Variants in STT3B observed in about 807,000 individuals in gnomAD.
STT3B encodes the protein dolichyl-diphosphooligosaccharide--protein glycosyltransferase subunit STT3B.
In STT3B, 29 loss-of-function variants were observed where a neutral mutation model predicts 96.8. The observed-to-expected ratio is 0.30, with a 90% CI of 0.22 to 0.41. The LOEUF is 0.41. STT3B is among the 10% of genes least tolerant of loss of function. The pLI is 1.00. For synonymous variants in STT3B, 367 were observed against 360.0 expected, an observed-to-expected ratio of 1.02 and a Z score of -0.22; for missense variants, 640 against 1,022.3, an observed-to-expected ratio of 0.63 and a Z score of 5.10.
At position 31,615,142 on chromosome 3, in the gene STT3B, A is replaced by C. The variant is rs1428857693; in HGVS notation, c.915A>C (p.Ser305=). The change falls in exon 6 of 16, where the codon TCA becomes TCC. Residue 305 remains serine (S), a synonymous_variant. Coordinates refer to ENST00000295770, the MANE Select transcript of STT3B (RefSeq NM_178862.3). The part of the protein sequence containing the change: ...STFYIVGLIL[S]MQIPFVGFQP... The stretch of plus-strand genomic sequence containing the variant: ...TCTACATTGTGGGTTTAATATTATC[A>C]ATGCAGATACCTTTTGTGGGATTCC... The C allele has an allele frequency of 6.2e-7, 1 of 1,611,144 alleles. No individual in the cohort carries two copies. Among genetic ancestry groups the C allele is most frequent in the East Asian group, 2.2e-5 (1 of 44,732 alleles).
At chr3:31,615,749 C>T (rs980579112) in intron 6 of STT3B, among the ~76,000 whole-genome samples, 1 of 151,798 alleles carries the variant, frequency 6.6e-6, no homozygotes, top group African/African-American at 2.4e-5. Context: ...ACAACATTTC[C>T]TAAACTCTAA....
intron 5 of STT3B, among the ~76,000 whole-genome samples, chr3:31,608,217 CTAT>C (rs1299527171): frequency 6.6e-6 from 1 of 152,188 alleles, no homozygotes. Context: ...TCCTCCGCCC[CTAT>C]TTTTTCCATA....
intron 1 of STT3B, among the ~76,000 whole-genome samples, chr3:31,546,748 A>G (rs564393827): frequency 1.3e-5 from 2 of 152,328 alleles, no homozygotes; most frequent in South Asian, 4.2e-4. Context: ...GTAGGAGGTT[A>G]TATGTATATG....
intron 1 of STT3B, among the ~76,000 whole-genome samples, chr3:31,559,772 G>T (rs546184058): frequency 1.3e-5 from 2 of 152,114 alleles, no homozygotes; most frequent in South Asian, 4.1e-4. Flanking sequence ...CTATCTGATG[G>T]TGAGAGTGGA....
intron 14 of STT3B, among the ~76,000 whole-genome samples, chr3:31,632,044 C>A (rs1035423747): frequency 1.3e-5 from 2 of 151,804 alleles, no homozygotes; most frequent in Non-Finnish European, 2.9e-5. Context: ...TTTGTAGAGA[C>A]AAGATCTTGC....
At chr3:31,535,786 A>G (rs1024711630) in intron 1 of STT3B, among the ~76,000 whole-genome samples, 2 of 152,230 alleles carry the variant, frequency 1.3e-5, no homozygotes, top group Admixed American at 6.5e-5. Context: ...CTGACACATT[A>G]TCATTTAGCT....
intron 3 of STT3B, among the ~76,000 whole-genome samples, chr3:31,590,217 A>G (rs1559377463): frequency 6.6e-6 from 1 of 151,604 alleles, no homozygotes; most frequent in Admixed American, 6.6e-5. Context: ...GATAATTTGT[A>G]TCTTCTCTCC....
chr3:31,610,992 T>C (rs1468239191), intron 5 of STT3B, among the ~76,000 whole-genome samples: 1 of 152,214 alleles, frequency 6.6e-6, no homozygotes, highest in East Asian at 1.9e-4. Context: ...TTTGATGGAA[T>C]GCTTTATTCT....
Position 31,617,073 on chromosome 3 carries a change from C to T in STT3B, c.1121C>T (p.Thr374Ile). The change falls in exon 7 of 16, where the codon ACA (threonine) becomes ATA (isoleucine). Residue 374 changes from threonine to isoleucine, a missense_variant and splice_region_variant. Physicochemically the swap from Thr to Ile is moderately conservative, Grantham distance 89. Coordinates refer to ENST00000295770, the MANE Select transcript of STT3B (RefSeq NM_178862.3). The part of the protein sequence containing the change: ...VFLSVIYLTY[T>I]GYIAPWSGRF... ...CTTAGTGTCATCTATTTGACTTATA[C>T]AGGTACGTGTTATCACCTGTAGGGT... is the stretch of plus-strand genomic sequence containing the variant. 1 of 1,602,266 alleles carries T rather than the reference C, an allele frequency of 6.2e-7. No homozygotes were observed. Among genetic ancestry groups the T allele is most frequent in the Non-Finnish European group, 8.5e-7 (1 of 1,171,864 alleles).
chr3:31,567,070 GCT>G (rs1698023741), intron 1 of STT3B, among the ~76,000 whole-genome samples: 1 of 152,250 alleles, frequency 6.6e-6, no homozygotes, highest in Admixed American at 6.5e-5. Context: ...CTGTCATTAT[GCT>G]CTCTCTATCC....
chr3:31,533,617 A>G (rs1697006128), intron 1 of STT3B: 1 of 212,032 alleles, frequency 4.7e-6, no homozygotes, highest in Non-Finnish European at 9.2e-6. Context: ...AGCCGCCGGG[A>G]GTGTGGGTGC....
At position 31,533,040 on chromosome 3, in the gene STT3B, C is replaced by T. The variant is rs774102976; in HGVS notation, c.42C>T (p.Ser14=). The stretch of plus-strand genomic sequence containing the variant: ...CCCCGGAGAGCAAGCACAAGTCGTC[C>T]CTCAACTCGTCCCCGTGGAGTGGCC... ...PSAPESKHKS[S]LNSSPWSGLM... The change falls in exon 1 of 16, where the codon TCC becomes TCT. Residue 14 remains serine (S), a synonymous_variant. Coordinates refer to ENST00000295770, the MANE Select transcript of STT3B (RefSeq NM_178862.3). 1.3e-6 allele frequency: 2 copies of T among 1,587,210 alleles called. No individual in the cohort carries two copies.
rs765621106 is a variant in STT3B at position 31,615,101 on chromosome 3, A to T, written c.878-4A>T. On this transcript the variant is annotated splice_region_variant and splice_polypyrimidine_tract_variant and intron_variant, in intron 5 of 15. Transcript: ENST00000295770. ...TATCCTTGTTTCCTATTTTGTCTTT[A>T]TAGCATATAGCACTTTCTACATTGT... 1 of 1,577,710 alleles carries T rather than the reference A, an allele frequency of 6.3e-7. No homozygotes were observed. The highest frequency in any genetic ancestry group is 8.7e-7 in the Non-Finnish European group (1 of 1,154,154).
intron 1 of STT3B, among the ~76,000 whole-genome samples, chr3:31,568,684 G>A (rs1698068531): frequency 6.6e-6 from 1 of 152,118 alleles, no homozygotes; most frequent in Non-Finnish European, 1.5e-5. Context: ...AAGATTAAAA[G>A]TATATTGTGG....
intron 3 of STT3B, among the ~76,000 whole-genome samples, chr3:31,587,219 A>G (rs1456141166): frequency 2.0e-5 from 3 of 152,034 alleles, no homozygotes; most frequent in African/African-American, 7.2e-5. Context: ...TATATTAACC[A>G]AGTTGTACCA....
intron 5 of STT3B, among the ~76,000 whole-genome samples, chr3:31,612,014 A>C (rs966987034): frequency 6.6e-6 from 1 of 152,210 alleles, no homozygotes; most frequent in African/African-American, 2.4e-5. Context: ...GCAATCTTCA[A>C]CTTTATTTAA....
At chr3:31,542,228 T>C (rs1483573914) in intron 1 of STT3B, among the ~76,000 whole-genome samples, 2 of 152,170 alleles carry the variant, frequency 1.3e-5, no homozygotes, top group African/African-American at 4.8e-5. Context: ...TTGTCAACTA[T>C]TAAAGTATTG....
rs531829480 is a variant in STT3B at position 31,600,846 on chromosome 3, A to T, written c.877+387A>T. Among the ~76,000 whole-genome samples the T allele has an allele frequency of 4.6e-5, 7 of 152,164 alleles. No individual in the cohort carries two copies. The South Asian group carries it at 6.2e-4, about 14-fold the overall frequency. ...TAAGCTTTCAGAAGCTCTTTTTTGG[A>T]TAATGTACTAATAGACTGAGTCTCT... On this transcript the variant is annotated intron_variant, in intron 5 of 15. Transcript: ENST00000295770.
chr3:31,544,927 ACT>A (rs1235790746), intron 1 of STT3B, among the ~76,000 whole-genome samples: 2 of 151,668 alleles, frequency 1.3e-5, no homozygotes, highest in Admixed American at 6.6e-5. Context: ...ACAGAGCAAG[ACT>A]CTGTCTCAGG....
Sources: allele counts gnomAD v4.1 joint callset (sites outside exome capture counted in the v4.1 genomes callset), GRCh38; gene constraint gnomAD v4.1.1; transcripts MANE v1.5; gene names NCBI Gene and HGNC (gene_info 2026-07-23, HGNC 2026-07-21).